The following PHEX variants were observed in gnomAD, a reference collection of about 807,000 sequenced individuals.
PHEX encodes the protein phosphate-regulating neutral endopeptidase PHEX.
A neutral mutation model predicts 68.0 loss-of-function variants in PHEX; 16 were observed. That is an observed-to-expected ratio of 0.24 (90% CI 0.16 to 0.36). The LOEUF (loss-of-function observed/expected upper bound fraction) is 0.36, where lower values mean the gene tolerates loss of function less well. Ranked by LOEUF, PHEX falls within the 10% of genes least tolerant of loss-of-function variation. The pLI is 1.00. For missense variants in PHEX, 480 were observed against 575.5 expected (o/e 0.83, Z 1.70); for synonymous variants, 208 against 205.1 (o/e 1.01, Z -0.12).
intron 12 of PHEX, among the ~76,000 whole-genome samples, chrX:22,156,059 G>A (rs1035729661): frequency 8.9e-6 from 1 of 111,925 alleles, no homozygotes; most frequent in African/African-American, 3.2e-5. Flanking sequence ...GTCAGGGCCT[G>A]TGAATTAAAC....
chrX:22,229,579 T>G (rs916386468), intron 20 of PHEX, among the ~76,000 whole-genome samples: 4 of 112,414 alleles, frequency 3.6e-5, no homozygotes, highest in African/African-American at 1.3e-4. Flanking sequence ...TTGCCCACTT[T>G]TTGATGAGGT....
intron 3 of PHEX, among the ~76,000 whole-genome samples, chrX:22,066,281 G>C (rs1218775931): frequency 8.9e-6 from 1 of 111,996 alleles, no homozygotes; most frequent in Non-Finnish European, 1.9e-5. Context: ...ATGCTTTACA[G>C]GCCCCATCAT....
At chrX:22,089,169 G>A (rs188574557) in intron 5 of PHEX, among the ~76,000 whole-genome samples, 173 of 110,410 alleles carry the variant, frequency 1.6e-3, no homozygotes, top group African/African-American at 5.5e-3. Flanking sequence ...TTACAGGTGC[G>A]TGCCGCCACA....
intron 1 of PHEX, among the ~76,000 whole-genome samples, chrX:22,036,957 G>A (rs2146977908): frequency 9.3e-6 from 1 of 108,013 alleles, no homozygotes; most frequent in East Asian, 2.9e-4. Context: ...AAATTAGCCG[G>A]GCGTGGTGGC....
chrX:22,171,867 A>G (rs750137292), intron 13 of PHEX: 1 of 111,972 alleles, frequency 8.9e-6, no homozygotes, highest in East Asian at 2.8e-4. Flanking sequence ...TACAAATGAA[A>G]AACAGCATGC....
At chrX:22,127,233 T>G (rs755110836) in intron 11 of PHEX, among the ~76,000 whole-genome samples, 13 of 111,313 alleles carry the variant, frequency 1.2e-4, no homozygotes, top group African/African-American at 4.2e-4. Flanking sequence ...ACCCTGAATA[T>G]GGCAGATTTT....
chrX:22,066,152 T>A (rs1038636889), intron 3 of PHEX, among the ~76,000 whole-genome samples: 1 of 111,639 alleles, frequency 9.0e-6, no homozygotes, highest in Non-Finnish European at 1.9e-5. Context: ...CCTAGGGCAA[T>A]GGGAAGGCGT....
intron 20 of PHEX, among the ~76,000 whole-genome samples, chrX:22,230,886 C>A (rs149003007): frequency 0.018 from 2,008 of 111,609 alleles, 44 homozygotes; most frequent in African/African-American, 0.062. Context: ...CCAGTTTTTG[C>A]CCATTCAGTA....
chrX:22,195,823 GA>G (rs1399808977), intron 15 of PHEX, among the ~76,000 whole-genome samples: 2 of 111,380 alleles, frequency 1.8e-5, no homozygotes, highest in African/African-American at 6.5e-5. Flanking sequence ...TCTTTATCTT[GA>G]TCTCAGATGT....
At chrX:22,209,744 GCTCCCTCTC>G (rs1215563079) in intron 15 of PHEX, among the ~76,000 whole-genome samples, 4,176 of 67,775 alleles carry the variant, frequency 0.062, 333 homozygotes, top group African/African-American at 0.18. Context: ...TGCTCCCTCT[GCTCCCTCTC>G]CTCCCTCTCC....
intron 3 of PHEX, among the ~76,000 whole-genome samples, chrX:22,054,195 C>T (rs945034866): frequency 6.3e-5 from 7 of 111,560 alleles, no homozygotes; most frequent in Non-Finnish European, 1.1e-4. Context: ...AGTACAGTGG[C>T]ACCATCTCAC....
At chrX:22,244,955 T>C (rs957383859) in intron 20 of PHEX, among the ~76,000 whole-genome samples, 1 of 111,659 alleles carries the variant, frequency 9.0e-6, no homozygotes, top group Admixed American at 9.5e-5. Context: ...CCATCCTCAA[T>C]AATGGGTGGC....
chrX:22,107,508 G>A (rs947529963), intron 9 of PHEX, among the ~76,000 whole-genome samples: 8 of 111,856 alleles, frequency 7.2e-5, no homozygotes, highest in South Asian at 3.7e-4. Context: ...TGACCTGGTC[G>A]CTGTCTGCAT....
chrX:22,118,813 A>G (rs1036846188), intron 11 of PHEX, among the ~76,000 whole-genome samples: 1 of 112,019 alleles, frequency 8.9e-6, no homozygotes, highest in African/African-American at 3.2e-5. Flanking sequence ...GGACACACCG[A>G]TACACCAACG....
chrX:22,224,950 T>TATCATACAGCGCTGTATGATTTATC, intron 18 of PHEX, among the ~76,000 whole-genome samples: 1 of 113,766 alleles, frequency 8.8e-6, no homozygotes, highest in Non-Finnish European at 1.9e-5. Context: ...TAACATAAAT[T>TATCATACAGCGCTGTATGATTTATC]ATCATACAGC....
intron 12 of PHEX, among the ~76,000 whole-genome samples, chrX:22,146,246 C>G (rs1317045322): frequency 8.9e-6 from 1 of 112,099 alleles, no homozygotes; most frequent in East Asian, 2.8e-4. Context: ...AGGGTAGCAC[C>G]TTACTAACTT....
chrX:22,133,748 T>G (rs1381803270), intron 12 of PHEX, 124 bp downstream of exon 12: 16 of 525,921 alleles, frequency 3.0e-5, no homozygotes, highest in Middle Eastern at 5.2e-4. Flanking sequence ...ACCCCAGAGT[T>G]AGCTGTCTGC....
At chrX:22,227,470 C>G in intron 19 of PHEX, 37 bp from the exon 20 acceptor site, 1 of 980,529 alleles carries the variant, frequency 1.0e-6, no homozygotes, top group South Asian at 1.9e-5. Flanking sequence ...AAAAACCCAC[C>G]GTTGCAGAGA....
At chrX:22,221,813 T>G (rs1935279746) in intron 18 of PHEX, 70 bp downstream of exon 18, 1 of 977,623 alleles carries the variant, frequency 1.0e-6, no homozygotes, top group Admixed American at 2.2e-5. Flanking sequence ...TAGCTTGCTT[T>G]AAACCATTGG....
Sources: gnomAD v4.1 joint callset for allele counts (sites outside exome capture counted in the v4.1 genomes callset) on GRCh38, gnomAD v4.1.1 for gene constraint, MANE v1.5 for transcripts, NCBI Gene and HGNC (gene_info 2026-07-23, HGNC 2026-07-21) for gene names.